The following TTLL5 variants were observed in gnomAD, a reference collection of about 807,000 sequenced individuals.
TTLL5 encodes the protein tubulin tyrosine ligase like 5.
Under a neutral mutation model 168.4 loss-of-function variants are expected in TTLL5, and 132 were observed. The observed-to-expected ratio is 0.78, with a 90% confidence interval of 0.68 to 0.91. TTLL5 has a LOEUF of 0.91. TTLL5 is among the 40% of genes least tolerant of loss of function. The pLI is 0.00. For synonymous variants in TTLL5, 546 were observed against 558.6 expected (o/e 0.98, Z 0.32); for missense variants, 1,545 against 1,581.5 (o/e 0.98, Z 0.39).
intron 4 of TTLL5, among the ~76,000 whole-genome samples, chr14:75,682,400 C>T (rs958124009): frequency 1.3e-5 from 2 of 152,058 alleles, no homozygotes; most frequent in Non-Finnish European, 2.9e-5. Context: ...TGGCTGGCAC[C>T]GAGGAGGAAC....
intron 28 of TTLL5, among the ~76,000 whole-genome samples, chr14:75,824,727 G>GTTT (rs200747931): frequency 4.3e-5 from 6 of 139,396 alleles, no homozygotes; most frequent in Admixed American, 1.5e-4. Flanking sequence ...AAAATTATGT[G>GTTT]TTTTTTTTTT....
At chr14:75,921,584 A>G (rs1359075809) in intron 31 of TTLL5, among the ~76,000 whole-genome samples, 2 of 152,150 alleles carry the variant, frequency 1.3e-5, no homozygotes, top group East Asian at 1.9e-4. Context: ...ATTGGTCTAT[A>G]TATCTGTTTT....
Position 75,934,242 on chromosome 14 carries a change from A to G in TTLL5, c.3824-20182A>G, listed in dbSNP as rs28410300. The stretch of plus-strand genomic sequence containing the variant: ...TCCAGTGCACACCCAAGGGGAGGCA[A>G]TTACATAAGGGTATGCCTTCCAGGA... On this transcript the variant is annotated intron_variant, in intron 31 of 31. Transcript: ENST00000298832. Among the ~76,000 whole-genome samples, 214 of 152,346 alleles carry G rather than the reference A, an allele frequency of 1.4e-3. 2 individuals carry two copies. Among genetic ancestry groups the G allele is most frequent in the African/African-American group, 5.0e-3 (209 of 41,576 alleles).
chr14:75,924,428 C>T (rs576369654), intron 31 of TTLL5, among the ~76,000 whole-genome samples: 12 of 151,810 alleles, frequency 7.9e-5, no homozygotes, highest in Non-Finnish European at 1.3e-4. Context: ...GAGGACCCTG[C>T]GGCCTTCCGC....
At position 75,734,057 on chromosome 14, in the gene TTLL5, A is replaced by G; in HGVS notation, c.1186+7A>G. The G allele has an allele frequency of 2.5e-6, 4 of 1,613,596 alleles. No homozygotes were observed. In the South Asian group the frequency reaches 4.4e-5, roughly 18 times the overall value. Reference sequence around the variant, plus strand: ...GATATGTTCACTGTTGTAGGTGAGTAGTAGTATTTTCTGAACTGGACTCAC... The same window carrying G: ...GATATGTTCACTGTTGTAGGTGAGTGGTAGTATTTTCTGAACTGGACTCAC... On this transcript the variant is annotated splice_region_variant and intron_variant, in intron 14 of 31. Coordinates refer to ENST00000298832, the MANE Select transcript of TTLL5 (RefSeq NM_015072.5).
In TTLL5 at chr14:75,663,174, C is replaced by T. The variant is rs747924529; in HGVS notation, c.25C>T (p.Leu9=). MPIVMARD[L]EETASSSEDE... Reference sequence around the variant, plus strand: ...AATGCCAATCGTGATGGCCCGGGACCTGGAGGAAACAGCATCATCCTCAGA... The same window carrying T: ...AATGCCAATCGTGATGGCCCGGGACTTGGAGGAAACAGCATCATCCTCAGA... Residue 9 remains leucine, a synonymous_variant, in exon 2 of 32, where the codon CTG becomes TTG. Transcript: ENST00000298832. The T allele has an allele frequency of 1.2e-6, 2 of 1,613,738 alleles. No homozygotes were observed. Among genetic ancestry groups the T allele is most frequent in the South Asian group, 2.2e-5 (2 of 90,846 alleles).
chr14:75,773,971 G>C (rs868832331), intron 21 of TTLL5, among the ~76,000 whole-genome samples: 1 of 126,636 alleles, frequency 7.9e-6, no homozygotes, highest in African/African-American at 3.5e-5. Flanking sequence ...GAGAGAGAGA[G>C]AGAGAGAGAG....
At chr14:75,676,768 C>CTTTTT (rs779894993) in intron 3 of TTLL5, among the ~76,000 whole-genome samples, 1 of 138,466 alleles carries the variant, frequency 7.2e-6, no homozygotes, top group African/African-American at 2.6e-5. Flanking sequence ...TAGCATTTTA[C>CTTTTT]TTTTTTTTTT....
At chr14:75,949,410 G>T (rs2034881868) in intron 31 of TTLL5, among the ~76,000 whole-genome samples, 1 of 128,686 alleles carries the variant, frequency 7.8e-6, no homozygotes, top group African/African-American at 2.9e-5. Flanking sequence ...TATATATATG[G>T]TTTTATAGAG....
At chr14:75,717,148 T>C (rs1233735447) in intron 9 of TTLL5, among the ~76,000 whole-genome samples, 1 of 152,158 alleles carries the variant, frequency 6.6e-6, no homozygotes, top group Admixed American at 6.5e-5. Context: ...AGTCGGTGTT[T>C]CTGTTGCCTA....
At chr14:75,698,200 TC>T (rs1886005582) in intron 6 of TTLL5, among the ~76,000 whole-genome samples, 2 of 152,092 alleles carry the variant, frequency 1.3e-5, no homozygotes. Context: ...CTTCTGACAC[TC>T]CCTAAGTGGA....
At chr14:75,928,633 T>G (rs1436055738) in intron 31 of TTLL5, among the ~76,000 whole-genome samples, 3 of 151,898 alleles carry the variant, frequency 2.0e-5, no homozygotes, top group African/African-American at 7.3e-5. Context: ...CCTAATGGCG[T>G]GAGGACAGAG....
chr14:75,910,979 C>T (rs181588602), intron 31 of TTLL5, among the ~76,000 whole-genome samples: 46 of 152,118 alleles, frequency 3.0e-4, no homozygotes, highest in Non-Finnish European at 6.2e-4. Context: ...AACTTGAATG[C>T]AGGGTTTTTT....
At chr14:75,896,915 A>G (rs1372722887) in intron 30 of TTLL5, among the ~76,000 whole-genome samples, 2 of 152,160 alleles carry the variant, frequency 1.3e-5, no homozygotes, top group Non-Finnish European at 1.5e-5. Context: ...TAGGCTGGCT[A>G]TATGGTGTGG....
At chr14:75,683,215 A>G (rs1884767153) in intron 4 of TTLL5, among the ~76,000 whole-genome samples, 1 of 152,248 alleles carries the variant, frequency 6.6e-6, no homozygotes. Flanking sequence ...TTGCTACTAT[A>G]AGGTTTATCT....
chr14:75,915,338 A>G (rs1234407104), intron 31 of TTLL5, among the ~76,000 whole-genome samples: 1 of 152,228 alleles, frequency 6.6e-6, no homozygotes, highest in Non-Finnish European at 1.5e-5. Context: ...TTAAATGTGC[A>G]CAGTATTCCC....
At chr14:75,862,526 T>C (rs1279218835) in intron 28 of TTLL5, among the ~76,000 whole-genome samples, 2 of 152,102 alleles carry the variant, frequency 1.3e-5, no homozygotes, top group Non-Finnish European at 2.9e-5. Flanking sequence ...AATAGCCAAA[T>C]GGGAATGAAG....
At chr14:75,920,372 T>A (rs1413896214) in intron 31 of TTLL5, among the ~76,000 whole-genome samples, 2 of 152,042 alleles carry the variant, frequency 1.3e-5, no homozygotes, top group African/African-American at 4.8e-5. Context: ...CCATCATATT[T>A]CTCCTAATGC....
rs1001872439 is a variant in TTLL5, at chr14:75,791,859, A to AT, written c.2987-1049dup. Among the ~76,000 whole-genome samples, 234 of 152,068 alleles carry AT rather than the reference A, an allele frequency of 1.5e-3. 1 individual carries two copies. Among genetic ancestry groups the AT allele is most frequent in the African/African-American group, 5.2e-3 (215 of 41,500 alleles). On this transcript the variant is annotated intron_variant, in intron 26 of 31. Transcript: ENST00000298832. ...TATTTCTACTTTTCTGAGTTTAAAG[A>AT]TTTTTTTTGAAGAGATGTGACTTTT...
Sources: gnomAD v4.1 joint callset for allele counts (sites outside exome capture counted in the v4.1 genomes callset) on GRCh38, gnomAD v4.1.1 for gene constraint, MANE v1.5 for transcripts, NCBI Gene and HGNC (gene_info 2026-07-23, HGNC 2026-07-21) for gene names.